The following NUDCD1 variants were observed in gnomAD, a reference collection of about 807,000 sequenced individuals.
The protein encoded by NUDCD1 is nudC domain-containing protein 1.
NUDCD1 carries 60 observed loss-of-function variants against 67.8 expected under a neutral mutation model. That is an observed-to-expected ratio of 0.88 (90% confidence interval 0.72 to 1.10). The LOEUF (loss-of-function observed/expected upper bound fraction) is 1.10. Ranked by LOEUF, NUDCD1 falls within the 50% of genes least tolerant of loss-of-function variation. The pLI, the probability that NUDCD1 is intolerant of heterozygous loss-of-function variation, is 0.00. For synonymous variants in NUDCD1, 244 were observed against 230.8 expected (o/e 1.06, Z -0.52); for missense variants, 643 against 695.0 (o/e 0.93, Z 0.84).
chr8:109,294,129 T>C (rs530286276), intron 3 of NUDCD1, among the ~76,000 whole-genome samples: 97 of 151,832 alleles, frequency 6.4e-4, no homozygotes, highest in Non-Finnish European at 2.4e-4. Flanking sequence ...TAAGACTAAA[T>C]ACAAAATAGA....
intron 8 of NUDCD1, among the ~76,000 whole-genome samples, chr8:109,260,902 A>T (rs916860944): frequency 1.3e-5 from 2 of 152,226 alleles, no homozygotes; most frequent in African/African-American, 2.4e-5. Context: ...AAAAGTAGAG[A>T]CTGTCTTGAT....
intron 8 of NUDCD1, among the ~76,000 whole-genome samples, chr8:109,248,336 G>A (rs1293091844): frequency 2.6e-5 from 4 of 152,114 alleles, no homozygotes; most frequent in Non-Finnish European, 4.4e-5. Flanking sequence ...GCAGCAATTC[G>A]TTGCAGTAAT....
intron 2 of NUDCD1, among the ~76,000 whole-genome samples, chr8:109,307,297 TA>T (rs1446521293): frequency 6.6e-6 from 1 of 152,248 alleles, no homozygotes; most frequent in African/African-American, 2.4e-5. Context: ...CTTAAGAATG[TA>T]CTTTGTATGC....
At chr8:109,267,358 G>A (rs769236687) in intron 8 of NUDCD1, among the ~76,000 whole-genome samples, 2 of 152,114 alleles carry the variant, frequency 1.3e-5, no homozygotes, top group Non-Finnish European at 2.9e-5. Flanking sequence ...GATCTCACAC[G>A]AGTCAGAATG....
Position 109,275,421 on chromosome 8 carries a change from T to C in NUDCD1, c.1104A>G (p.Glu368=). The change falls in exon 7 of 10, where the codon GAA becomes GAG. Residue 368 remains glutamate (E), a synonymous_variant. Coordinates refer to ENST00000239690, the MANE Select transcript of NUDCD1 (RefSeq NM_032869.4). The part of the protein sequence containing the change: ...PELVIGDKQG[E]LIRDSAQCAA... The stretch of plus-strand genomic sequence containing the variant: ...CACACTGGGCTGAATCTCTTATAAG[T>C]TCCCCTTGTTTATCTCCAATTACTA... 3 of 1,613,668 alleles carry C rather than the reference T, an allele frequency of 1.9e-6. 1 individual carries two copies. The South Asian group carries it at 3.3e-5, about 18-fold the overall frequency.
At chr8:109,321,549 C>T (rs1815537445) in intron 2 of NUDCD1, among the ~76,000 whole-genome samples, 1 of 151,702 alleles carries the variant, frequency 6.6e-6, no homozygotes, top group Non-Finnish European at 1.5e-5. Flanking sequence ...TTAATTCCTC[C>T]TGCAAAAAAG....
At chr8:109,323,453 T>C (rs566241892) in intron 1 of NUDCD1, among the ~76,000 whole-genome samples, 12 of 152,128 alleles carry the variant, frequency 7.9e-5, no homozygotes, top group South Asian at 2.1e-4. Flanking sequence ...TTAGCACTTA[T>C]GATACAGTGA....
chr8:109,290,029 A>G lies in NUDCD1; in HGVS notation c.641-96T>C, dbSNP rs1814673904. 4 of 561,834 alleles carry G rather than the reference A, an allele frequency of 7.1e-6. No individual in the cohort carries two copies. In the South Asian group the frequency reaches 1.3e-4, roughly 18 times the overall value. The allele number at this position is 561,834 out of a possible 1,614,324, so 34.8% of individuals were successfully genotyped here. A position where few individuals can be genotyped will look rare whatever the true frequency, so the allele number is the denominator to read the frequency against. ...AATTGATTTTAATTATAATTAAATA[A>G]TTTGAATGTATTATTAAAAGGTACA... On this transcript the variant is annotated intron_variant, in intron 4 of 9. Coordinates refer to ENST00000239690, the MANE Select transcript of NUDCD1 (RefSeq NM_032869.4).
At chr8:109,314,319 G>C (rs1320067024) in intron 2 of NUDCD1, among the ~76,000 whole-genome samples, 2 of 152,146 alleles carry the variant, frequency 1.3e-5, no homozygotes, top group Admixed American at 1.3e-4. Flanking sequence ...AATACTTACT[G>C]AATCAGTATA....
At chr8:109,267,005 G>T (rs1814018529) in intron 8 of NUDCD1, among the ~76,000 whole-genome samples, 1 of 152,020 alleles carries the variant, frequency 6.6e-6, no homozygotes, top group African/African-American at 2.4e-5. Context: ...CCCATGTAAG[G>T]TAATTTCAAA....
At chr8:109,304,021 T>C (rs536034912) in intron 2 of NUDCD1, among the ~76,000 whole-genome samples, 1 of 152,082 alleles carries the variant, frequency 6.6e-6, no homozygotes, top group Non-Finnish European at 1.5e-5. Context: ...CACAACCCAT[T>C]ATTCTGTTCT....
In NUDCD1 at chr8:109,324,346, T is replaced by C. The variant is rs1024879818; in HGVS notation, c.119-1883A>G. Among the ~76,000 whole-genome samples the C allele has an allele frequency of 6.6e-5, 10 of 150,868 alleles. No individual in the cohort carries two copies. The East Asian group carries it at 1.8e-3, about 26-fold the overall frequency. Reference sequence around the variant, plus strand: ...GAGGAAATGCAAATTGAAATCACAATGAGATATCATCTTCCTGTAGTTAGA... The same window carrying C: ...GAGGAAATGCAAATTGAAATCACAACGAGATATCATCTTCCTGTAGTTAGA... On this transcript the variant is annotated intron_variant, in intron 1 of 9. Coordinates refer to ENST00000239690, the MANE Select transcript of NUDCD1 (RefSeq NM_032869.4).
chr8:109,332,037 T>C (rs949005812), intron 1 of NUDCD1, among the ~76,000 whole-genome samples: 1 of 152,188 alleles, frequency 6.6e-6, no homozygotes, highest in African/African-American at 2.4e-5. Context: ...CCTCAACAAT[T>C]TCTTCTCTTC....
intron 4 of NUDCD1, among the ~76,000 whole-genome samples, chr8:109,292,572 TACTC>T (rs1201681782): frequency 6.6e-6 from 1 of 152,118 alleles, no homozygotes; most frequent in Non-Finnish European, 1.5e-5. Context: ...TATATTAACT[TACTC>T]ATAAATGAGT....
intron 1 of NUDCD1, among the ~76,000 whole-genome samples, chr8:109,332,446 A>G (rs1406927838): frequency 2.0e-5 from 3 of 152,224 alleles, no homozygotes. Context: ...CTAAAGGATA[A>G]GAGACCACAC....
chr8:109,281,817 G>T (rs1010097308), intron 5 of NUDCD1, among the ~76,000 whole-genome samples: 2 of 152,242 alleles, frequency 1.3e-5, no homozygotes, highest in East Asian at 3.9e-4. Flanking sequence ...GTGTTGGGGG[G>T]CCCTCTCTGC....
At chr8:109,330,158 A>T (rs1248821896) in intron 1 of NUDCD1, among the ~76,000 whole-genome samples, 1 of 152,254 alleles carries the variant, frequency 6.6e-6, no homozygotes, top group Non-Finnish European at 1.5e-5. Flanking sequence ...AAATTGCCGG[A>T]TCAAAAGACA....
chr8:109,281,126 G>A lies in NUDCD1; in HGVS notation c.870C>T (p.Thr290=). ...TAGTACTGTCTTCTGGAAGCCGTATGGTTACTGTCAAATCATCTTCAGTCT... is the reference window on the plus strand; with the variant it reads ...TAGTACTGTCTTCTGGAAGCCGTATAGTTACTGTCAAATCATCTTCAGTCT... ...WQQTEDDLTV[T]IRLPEDSTKE... The change falls in exon 6 of 10, where the codon ACC becomes ACT. Residue 290 remains threonine, a synonymous_variant. Coordinates refer to ENST00000239690, the MANE Select transcript of NUDCD1 (RefSeq NM_032869.4). 4 of 1,613,472 alleles carry A rather than the reference G, an allele frequency of 2.5e-6. No individual in the cohort carries two copies. Among genetic ancestry groups the A allele is most frequent in the Non-Finnish European group, 3.4e-6 (4 of 1,179,640 alleles).
At chr8:109,270,568 C>T (rs1814126068) in intron 8 of NUDCD1, among the ~76,000 whole-genome samples, 1 of 152,034 alleles carries the variant, frequency 6.6e-6, no homozygotes, top group Admixed American at 6.6e-5. Context: ...TTAAAAATAG[C>T]ATCATCATAA....
Sources: allele counts gnomAD v4.1 joint callset (sites outside exome capture counted in the v4.1 genomes callset), GRCh38; gene constraint gnomAD v4.1.1; transcripts MANE v1.5; gene names NCBI Gene and HGNC (gene_info 2026-07-23, HGNC 2026-07-21).